SLC25A15: variants seen among roughly 807,000 people sequenced by gnomAD.
SLC25A15 encodes the protein mitochondrial ornithine transporter 1.
SLC25A15 carries 24 observed loss-of-function variants against 32.3 expected under a neutral mutation model. That is an observed-to-expected ratio of 0.74 (90% CI 0.54 to 1.04). The LOEUF is 1.04. SLC25A15 is among the 50% of genes least tolerant of loss of function. The pLI is 0.00. For missense variants in SLC25A15, 317 were observed against 374.5 expected, an observed-to-expected ratio of 0.85 and a Z score of 1.27; for synonymous variants, 132 against 142.1, an observed-to-expected ratio of 0.93 and a Z score of 0.51.
chr13:40,794,329 A>C (rs1438994800), intron 2 of SLC25A15, among the ~76,000 whole-genome samples: 1 of 151,880 alleles, frequency 6.6e-6, no homozygotes, highest in Non-Finnish European at 1.5e-5. Flanking sequence ...AACAACAGTG[A>C]AACTCTGTCT....
In SLC25A15 at chr13:40,810,905, T is replaced by C; in HGVS notation, c.*1238T>C. On this transcript the variant is annotated 3_prime_UTR_variant, in exon 7 of 7. Coordinates refer to ENST00000338625, the MANE Select transcript of SLC25A15 (RefSeq NM_014252.4). ...CCACTTTGGGCCACTCACTGTCTGCTCTGCCTCCACCAATCAGAAACCCTT... is the reference window on the plus strand; with the variant it reads ...CCACTTTGGGCCACTCACTGTCTGCCCTGCCTCCACCAATCAGAAACCCTT... 1.9e-6 allele frequency: 1 copy of C among 532,388 alleles called. No individual in the cohort carries two copies. Among genetic ancestry groups the C allele is most frequent in the Non-Finnish European group, 3.9e-6 (1 of 259,462 alleles). 33.0% of individuals were successfully genotyped at this position (532,388 alleles called of 1,614,324 possible). A position where few individuals can be genotyped will look rare whatever the true frequency, so the allele number is the denominator to read the frequency against.
Position 40,807,429 on chromosome 13 carries a change from C to CT in SLC25A15, c.594dup (p.Ala199CysfsTer8). 6.2e-7 allele frequency: 1 copy of CT among 1,614,132 alleles called. No homozygotes were observed. Among genetic ancestry groups the CT allele is most frequent in the Non-Finnish European group, 8.5e-7 (1 of 1,180,010 alleles). ...TCGGTGGCTATGAACTGAGCCGGTC[C>CT]TTTTTTGCATCAGGGAGATCAAAAG... On this transcript the variant is annotated frameshift_variant, in exon 5 of 7. Coordinates refer to ENST00000338625, the MANE Select transcript of SLC25A15 (RefSeq NM_014252.4). LOFTEE classifies it high-confidence loss of function.
At chr13:40,800,192 C>T (rs2282023) in intron 3 of SLC25A15, among the ~76,000 whole-genome samples, 2 of 152,026 alleles carry the variant, frequency 1.3e-5, no homozygotes, top group African/African-American at 2.4e-5. Context: ...GTGCACAGCA[C>T]TGTTCTCTGG....
intron 3 of SLC25A15, among the ~76,000 whole-genome samples, chr13:40,800,843 A>G (rs1296995641): frequency 1.3e-5 from 2 of 152,296 alleles, no homozygotes; most frequent in East Asian, 3.9e-4. Flanking sequence ...GGGTGTCCTT[A>G]AGAAAGGGTT....
intron 3 of SLC25A15, among the ~76,000 whole-genome samples, chr13:40,799,588 C>T (rs983540684): frequency 1.3e-5 from 2 of 152,134 alleles, no homozygotes; most frequent in African/African-American, 4.8e-5. Flanking sequence ...AACTGCTTTC[C>T]TTTTATTTAT....
intron 2 of SLC25A15, chr13:40,798,841 G>T: frequency 1.0e-6 from 1 of 985,360 alleles, no homozygotes; most frequent in Non-Finnish European, 1.2e-6. Context: ...TCTCTCCCCT[G>T]CCTGGCATGA....
chr13:40,808,802 G>A (rs888746306), intron 6 of SLC25A15, among the ~76,000 whole-genome samples: 2 of 151,968 alleles, frequency 1.3e-5, no homozygotes, highest in African/African-American at 4.8e-5. Context: ...AGGCGTGGTG[G>A]CAGGCACCTG....
chr13:40,800,244 A>G (rs1881827806), intron 3 of SLC25A15, among the ~76,000 whole-genome samples: 1 of 152,110 alleles, frequency 6.6e-6, no homozygotes. Context: ...TATAGACAGG[A>G]ATTCCACCAT....
Position 40,808,895 on chromosome 13 carries a change from A to G in SLC25A15, c.781+299A>G, listed in dbSNP as rs112390851. Among the ~76,000 whole-genome samples, 10,040 of 141,444 alleles carry G rather than the reference A, an allele frequency of 0.071. 906 individuals carry two copies. The highest frequency in any genetic ancestry group is 0.21 in the African/African-American group (8,094 of 39,130). 92.8% of individuals were successfully genotyped at this position (141,444 alleles called of 152,430 possible). On this transcript the variant is annotated intron_variant, in intron 6 of 6. Coordinates refer to ENST00000338625, the MANE Select transcript of SLC25A15 (RefSeq NM_014252.4). ...GCTTGCAGTGAGCTGAGATTGCACCACTGCACTCCAGCCTGGGCAACAGCG... is the reference window on the plus strand; with the variant it reads ...GCTTGCAGTGAGCTGAGATTGCACCGCTGCACTCCAGCCTGGGCAACAGCG...
intron 6 of SLC25A15, among the ~76,000 whole-genome samples, chr13:40,809,074 T>G (rs1392942522): frequency 6.6e-6 from 1 of 152,246 alleles, no homozygotes; most frequent in African/African-American, 2.4e-5. Context: ...CCCTTACATT[T>G]GTATAACATG....
rs774528430 is a variant in SLC25A15, at chr13:40,805,282, A to G, written c.452+27A>G. 1.9e-6 allele frequency: 3 copies of G among 1,613,758 alleles called. No individual in the cohort carries two copies. The Admixed American group carries it at 5.0e-5, about 27-fold the overall frequency. ...TAAGCACCACTTGGGCACAAACGTC[A>G]GGTCTCTATTGCCCTAGTGTATTGG... On this transcript the variant is annotated intron_variant, in intron 4 of 6. Transcript: ENST00000338625.
chr13:40,801,793 G>A (rs1274055851), intron 3 of SLC25A15, among the ~76,000 whole-genome samples: 1 of 152,136 alleles, frequency 6.6e-6, no homozygotes, highest in East Asian at 1.9e-4. Context: ...CATGTTTGTT[G>A]AACATATGAC....
intron 6 of SLC25A15, among the ~76,000 whole-genome samples, chr13:40,808,827 C>T (rs754627211): frequency 1.3e-5 from 2 of 148,838 alleles, no homozygotes; most frequent in East Asian, 4.0e-4. Flanking sequence ...CCCAGCTACT[C>T]GGGAGGCTGA....
chr13:40,798,853 C>G, intron 2 of SLC25A15: 1 of 985,368 alleles, frequency 1.0e-6, no homozygotes, highest in Non-Finnish European at 1.2e-6. Context: ...CTGGCATGAG[C>G]TCCTTCAGGG....
chr13:40,806,620 C>T (rs1403265974), intron 4 of SLC25A15, among the ~76,000 whole-genome samples: 1 of 152,218 alleles, frequency 6.6e-6, no homozygotes, highest in Non-Finnish European at 1.5e-5. Flanking sequence ...TGTCTGTGGC[C>T]TTTATTACCT....
At position 40,810,886 on chromosome 13, in the gene SLC25A15, T is replaced by C. The variant is rs1444506448; in HGVS notation, c.*1219T>C. On this transcript the variant is annotated 3_prime_UTR_variant, in exon 7 of 7. Transcript: ENST00000338625. ...CTGGCCTGGGGCCATCAATCCACTT[T>C]GGGCCACTCACTGTCTGCTCTGCCT... is the stretch of plus-strand genomic sequence containing the variant. The C allele has an allele frequency of 1.9e-6, 1 of 534,290 alleles. No homozygotes were observed. The highest frequency in any genetic ancestry group is 5.4e-5 in the East Asian group (1 of 18,362). 33.1% of individuals were successfully genotyped at this position (534,290 alleles called of 1,614,324 possible).
rs1882122356 is a variant in SLC25A15 at position 40,805,178 on chromosome 13, C to T, written c.375C>T (p.Cys125=). The change falls in exon 4 of 7, where the codon TGC becomes TGT. Residue 125 remains cysteine (C), a synonymous_variant. Coordinates refer to ENST00000338625, the MANE Select transcript of SLC25A15 (RefSeq NM_014252.4). ...FASAFAALVL[C]PTELVKCRLQ... is the part of the protein sequence containing the mutation. ...CTGCCTTTGCTGCACTGGTGCTCTG[C>T]CCCACGGAGCTCGTGAAGTGCCGGC... 6.2e-7 allele frequency: 1 copy of T among 1,614,136 alleles called. No individual in the cohort carries two copies. Among genetic ancestry groups the T allele is most frequent in the Non-Finnish European group, 8.5e-7 (1 of 1,180,016 alleles).
At chr13:40,797,625 C>G (rs953662689) in intron 2 of SLC25A15, among the ~76,000 whole-genome samples, 4 of 152,106 alleles carry the variant, frequency 2.6e-5, no homozygotes, top group Admixed American at 2.0e-4. Flanking sequence ...GATGGGCTCA[C>G]AGAGATCATA....
At chr13:40,790,278 AG>A (rs1418353290) in intron 1 of SLC25A15, among the ~76,000 whole-genome samples, 2 of 152,202 alleles carry the variant, frequency 1.3e-5, no homozygotes, top group African/African-American at 2.4e-5. Flanking sequence ...TCCAAAAAAA[AG>A]TTATTTTCCC....
Sources: allele counts gnomAD v4.1 joint callset (sites outside exome capture counted in the v4.1 genomes callset), GRCh38; gene constraint gnomAD v4.1.1; transcripts MANE v1.5; gene names NCBI Gene and HGNC (gene_info 2026-07-23, HGNC 2026-07-21).